The following CSMD3 variants were observed in gnomAD, a reference collection of about 807,000 sequenced individuals.
CSMD3 encodes CUB and sushi domain-containing protein 3.
A neutral mutation model predicts 435.2 loss-of-function variants in CSMD3; 177 were observed. That is an observed-to-expected ratio of 0.41 (90% CI 0.36 to 0.46). The LOEUF (loss-of-function observed/expected upper bound fraction) is 0.46, where lower values mean the gene tolerates loss of function less well. CSMD3 is among the 20% of genes least tolerant of loss of function. The pLI, the probability that CSMD3 is intolerant of heterozygous loss-of-function variation, is 0.34. For missense variants in CSMD3, 4,265 were observed against 4,504.6 expected (o/e 0.95, Z 1.52); for synonymous variants, 1,656 against 1,520.5 (o/e 1.09, Z -2.07).
rs1817750479 is a variant in CSMD3 at position 112,273,743 on chromosome 8, A to AAT, written c.9508+7430_9508+7431insAT. Among the ~76,000 whole-genome samples, 4 of 150,784 alleles carry AAT rather than the reference A, an allele frequency of 2.7e-5. No individual in the cohort carries two copies. The South Asian group carries it at 8.4e-4, about 32-fold the overall frequency. Reference sequence around the variant, plus strand: ...TCTGTCTCAAAAAAAAAAAAAAAAAATTGAGTTGGAATGGTAAATCATGTA... The same window carrying AAT: ...TCTGTCTCAAAAAAAAAAAAAAAAAAATTTGAGTTGGAATGGTAAATCATGTA... On this transcript the variant is annotated intron_variant, in intron 59 of 70. Coordinates refer to ENST00000297405, the MANE Select transcript of CSMD3 (RefSeq NM_198123.2).
chr8:112,286,277 A>G (rs1819189188), intron 58 of CSMD3, among the ~76,000 whole-genome samples: 1 of 152,108 alleles, frequency 6.6e-6, no homozygotes, highest in Non-Finnish European at 1.5e-5. Context: ...CCCCTTATCT[A>G]CTATTCTTTC....
At chr8:112,540,153 A>G (rs1462790746) in intron 27 of CSMD3, among the ~76,000 whole-genome samples, 1 of 152,120 alleles carries the variant, frequency 6.6e-6, no homozygotes, top group Non-Finnish European at 1.5e-5. Flanking sequence ...AAAATAAGAC[A>G]TACAAATGGC....
intron 58 of CSMD3, among the ~76,000 whole-genome samples, chr8:112,282,339 T>C (rs981211004): frequency 1.5e-4 from 23 of 152,050 alleles, no homozygotes; most frequent in Non-Finnish European, 2.9e-5. Context: ...GATAATATTT[T>C]AAGCAGAACC....
chr8:112,651,854 A>C (rs1378419000), intron 18 of CSMD3, among the ~76,000 whole-genome samples: 1 of 151,586 alleles, frequency 6.6e-6, no homozygotes, highest in African/African-American at 2.4e-5. Flanking sequence ...GTGCTTTTAA[A>C]CTCTCATTCA....
intron 10 of CSMD3, among the ~76,000 whole-genome samples, chr8:112,890,518 A>T (rs1203231558): frequency 1.3e-5 from 2 of 151,712 alleles, no homozygotes; most frequent in Non-Finnish European, 3.0e-5. Flanking sequence ...ATACTTCAGG[A>T]TAAGCCCATG....
intron 63 of CSMD3, among the ~76,000 whole-genome samples, chr8:112,248,859 C>T (rs747225812): frequency 6.6e-6 from 1 of 152,046 alleles, no homozygotes; most frequent in African/African-American, 2.4e-5. Context: ...TCACCTTTGC[C>T]TCTAGAAGAT....
chr8:112,383,490 G>A, intron 37 of CSMD3, 77 bp downstream of exon 37: 1 of 809,728 alleles, frequency 1.2e-6, no homozygotes, highest in Non-Finnish European at 2.1e-6. Context: ...CCAAGTAAGA[G>A]TTGTAGATAG....
At chr8:112,573,723 G>A (rs1375251510) in intron 23 of CSMD3, 66 bp from the exon 24 acceptor site, 1 of 1,265,890 alleles carries the variant, frequency 7.9e-7, no homozygotes, top group Non-Finnish European at 1.1e-6. Context: ...GCATGTATTT[G>A]TATCTATGAA....
chr8:112,682,078 G>A (rs759732028), intron 16 of CSMD3, among the ~76,000 whole-genome samples: 9 of 151,742 alleles, frequency 5.9e-5, no homozygotes, highest in Non-Finnish European at 1.3e-4. Context: ...TTGAAAATTA[G>A]TGTGTACCAT....
intron 70 of CSMD3, among the ~76,000 whole-genome samples, chr8:112,225,204 C>T (rs1171403132): frequency 1.3e-5 from 2 of 151,790 alleles, no homozygotes; most frequent in African/African-American, 4.8e-5. Flanking sequence ...AATTTTCTTA[C>T]AAAATTAGAA....
At position 112,244,587 on chromosome 8, in the gene CSMD3, A is replaced by G. The variant is rs2130116302; in HGVS notation, c.10223-14T>C. 1.2e-6 allele frequency: 2 copies of G among 1,612,234 alleles called. No homozygotes were observed. The highest frequency in any genetic ancestry group is 1.7e-6 in the Non-Finnish European group (2 of 1,178,444). On this transcript the variant is annotated splice_polypyrimidine_tract_variant and intron_variant, in intron 64 of 70. Transcript: ENST00000297405. ...TACAGCTGTGGGCTATATTAAGAAA[A>G]GAGAACAATGTAAATTTTCTATAGA...
chr8:112,533,776 T>C (rs1275538289), intron 27 of CSMD3, among the ~76,000 whole-genome samples: 1 of 152,044 alleles, frequency 6.6e-6, no homozygotes, highest in African/African-American at 2.4e-5. Context: ...ATGGACCTAC[T>C]TGACATTTAC....
At position 112,644,597 on chromosome 8, in the gene CSMD3, GAC is replaced by G. The variant is rs201875656; in HGVS notation, c.3310+510_3310+511del. 1.6e-4 allele frequency among the ~76,000 whole-genome samples: 24 copies of G among 152,100 alleles called. No individual in the cohort carries two copies. In the East Asian group the frequency reaches 4.1e-3, roughly 26 times the overall value. ...GAGTGCAATTTTACACTCTATGTGA[GAC>G]ATATCTATAGCTCTGTACTAAAGAA... On this transcript the variant is annotated intron_variant, in intron 20 of 70. Coordinates refer to ENST00000297405, the MANE Select transcript of CSMD3 (RefSeq NM_198123.2).
chr8:113,311,095 A>AT (rs1019487258), intron 2 of CSMD3: 3 of 152,106 alleles, frequency 2.0e-5, no homozygotes, highest in South Asian at 2.1e-4. Context: ...ATAATAGGTG[A>AT]TTTTTTACTT....
intron 1 of CSMD3, among the ~76,000 whole-genome samples, chr8:113,357,335 A>G (rs982564803): frequency 6.6e-6 from 1 of 152,226 alleles, no homozygotes; most frequent in African/African-American, 2.4e-5. Flanking sequence ...TTTTCTCCCA[A>G]TCACATTGAG....
At chr8:112,761,667 A>G (rs1456066580) in intron 13 of CSMD3, among the ~76,000 whole-genome samples, 1 of 152,116 alleles carries the variant, frequency 6.6e-6, no homozygotes, top group Non-Finnish European at 1.5e-5. Flanking sequence ...CTTTAAAACT[A>G]TACTATACAA....
Position 112,360,059 on chromosome 8 carries a change from G to A in CSMD3, c.6137-7525C>T, listed in dbSNP as rs577853602. ...CATAGAGTCTTCATCAGAAACTACC[G>A]AATACAAAAATAGTGAACTATGATA... On this transcript the variant is annotated intron_variant, in intron 38 of 70. Coordinates refer to ENST00000297405, the MANE Select transcript of CSMD3 (RefSeq NM_198123.2). 1.6e-4 allele frequency among the ~76,000 whole-genome samples: 25 copies of A among 152,022 alleles called. No homozygotes were observed. In the East Asian group the frequency reaches 3.1e-3, roughly 19 times the overall value.
At position 112,295,941 on chromosome 8, in the gene CSMD3, T is replaced by C. The variant is rs2130715691; in HGVS notation, c.8506A>G (p.Arg2836Gly). The change falls in exon 54 of 71, where the codon AGA becomes GGA. Residue 2836 changes from arginine (R) to glycine (G), a missense_variant. By Grantham distance (125) the Arg-to-Gly change is moderately radical. This residue lies in a region of CSMD3 where 3,255 missense variants were observed against 3,380.2 expected (regional missense o/e 0.96). Coordinates refer to ENST00000297405, the MANE Select transcript of CSMD3 (RefSeq NM_198123.2). ...GQVIGENYGY[R>G]DTVVYQCNPG... ...TTACATTGATATACAACTGTGTCTC[T>C]ATATCCATAATTTTCTCCAATGACT... The C allele has an allele frequency of 6.2e-7, 1 of 1,613,638 alleles. No homozygotes were observed. The highest frequency in any genetic ancestry group is 8.5e-7 in the Non-Finnish European group (1 of 1,179,608).
chr8:112,271,633 T>C (rs1041565952), intron 59 of CSMD3, among the ~76,000 whole-genome samples: 5 of 152,164 alleles, frequency 3.3e-5, no homozygotes, highest in Non-Finnish European at 5.9e-5. Context: ...GAAAGTTGTT[T>C]CCTCTCTAAG....
Sources: gnomAD v4.1 joint callset for allele counts (sites outside exome capture counted in the v4.1 genomes callset) on GRCh38, gnomAD v4.1.1 for gene constraint, gnomAD v4.1.1 regional missense constraint, MANE v1.5 for transcripts, NCBI Gene and HGNC (gene_info 2026-07-23, HGNC 2026-07-21) for gene names.